Variants in PARN observed in about 807,000 individuals in gnomAD.
PARN encodes the protein poly(A)-specific ribonuclease PARN.
Under a neutral mutation model 102.8 loss-of-function variants are expected in PARN, and 71 were observed. The ratio of observed to expected loss-of-function variants is 0.69; its 90% CI spans 0.57 to 0.84. The LOEUF (loss-of-function observed/expected upper bound fraction) is 0.84. Ranked by LOEUF, PARN falls within the 40% of genes least tolerant of loss-of-function variation. PARN has a pLI of 0.00. For missense variants in PARN, 782 were observed against 760.9 expected (o/e 1.03, Z -0.33); for synonymous variants, 261 against 252.9 (o/e 1.03, Z -0.30).
intron 21 of PARN, among the ~76,000 whole-genome samples, chr16:14,505,708 G>A (rs997466031): frequency 6.6e-6 from 1 of 152,088 alleles, no homozygotes; most frequent in Non-Finnish European, 1.5e-5. Flanking sequence ...CATGATGTAG[G>A]TGTACTTATA....
intron 21 of PARN, among the ~76,000 whole-genome samples, chr16:14,508,227 G>C (rs1964996532): frequency 6.6e-6 from 1 of 151,956 alleles, no homozygotes; most frequent in African/African-American, 2.4e-5. Flanking sequence ...TAGATACATA[G>C]ATAAGACAGA....
chr16:14,584,732 T>G lies in PARN; in HGVS notation c.1005+17A>C. 1 of 1,551,584 alleles carries G rather than the reference T, an allele frequency of 6.4e-7. No homozygotes were observed. The highest frequency in any genetic ancestry group is 1.2e-5 in the South Asian group (1 of 84,016). Reference sequence around the variant, plus strand: ...AGTAATATGCAGTCGCTTTATAAAGTAGCAAATGAATAATACCTTAAAAGG... The same window carrying G: ...AGTAATATGCAGTCGCTTTATAAAGGAGCAAATGAATAATACCTTAAAAGG... On this transcript the variant is annotated intron_variant, in intron 15 of 23. Coordinates refer to ENST00000437198, the MANE Select transcript of PARN (RefSeq NM_002582.4).
At chr16:14,557,680 G>A (rs1005502115) in intron 18 of PARN, among the ~76,000 whole-genome samples, 1 of 152,052 alleles carries the variant, frequency 6.6e-6, no homozygotes, top group Non-Finnish European at 1.5e-5. Flanking sequence ...TGTGGTTTGA[G>A]AATTTGTTGT....
At chr16:14,615,469 C>A (rs961985849) in intron 6 of PARN, among the ~76,000 whole-genome samples, 8 of 152,056 alleles carry the variant, frequency 5.3e-5, no homozygotes, top group African/African-American at 1.7e-4. Context: ...AAAAAAAATT[C>A]TTTATAATAC....
At chr16:14,551,352 T>C (rs1967291133) in intron 21 of PARN, among the ~76,000 whole-genome samples, 1 of 151,956 alleles carries the variant, frequency 6.6e-6, no homozygotes, top group Non-Finnish European at 1.5e-5. Flanking sequence ...GCAGATCACC[T>C]GAGGTCAGGA....
At chr16:14,457,489 T>C (rs1961729314) in intron 22 of PARN, among the ~76,000 whole-genome samples, 1 of 152,118 alleles carries the variant, frequency 6.6e-6, no homozygotes, top group African/African-American at 2.4e-5. Context: ...ACCAGGATTC[T>C]TATTTCTAAT....
At chr16:14,549,554 G>A (rs760372992) in intron 21 of PARN, among the ~76,000 whole-genome samples, 5 of 152,178 alleles carry the variant, frequency 3.3e-5, no homozygotes, top group South Asian at 2.1e-4. Flanking sequence ...TTTAAGAATT[G>A]TCCAGTAGTA....
chr16:14,452,585 C>T (rs763309858), intron 22 of PARN, among the ~76,000 whole-genome samples: 5 of 152,188 alleles, frequency 3.3e-5, no homozygotes, highest in African/African-American at 4.8e-5. Flanking sequence ...GATCTGCCTG[C>T]CTCGGCCTCC....
chr16:14,566,127 T>C (rs890746304), intron 18 of PARN, among the ~76,000 whole-genome samples: 2 of 152,214 alleles, frequency 1.3e-5, no homozygotes, highest in African/African-American at 4.8e-5. Flanking sequence ...CAAAAAGATA[T>C]GTCCACTTTC....
intron 21 of PARN, among the ~76,000 whole-genome samples, chr16:14,550,777 T>A (rs769449997): frequency 6.6e-6 from 1 of 152,200 alleles, no homozygotes; most frequent in East Asian, 1.9e-4. Flanking sequence ...ATCTTTTACA[T>A]TATCAAAGCA....
intron 21 of PARN, among the ~76,000 whole-genome samples, chr16:14,510,502 T>C (rs1006686595): frequency 6.6e-6 from 1 of 152,182 alleles, no homozygotes; most frequent in Non-Finnish European, 1.5e-5. Flanking sequence ...TGTAAAAATT[T>C]GTTTAATCCA....
chr16:14,559,335 C>T (rs1967908140), intron 18 of PARN, among the ~76,000 whole-genome samples: 2 of 150,402 alleles, frequency 1.3e-5, no homozygotes, highest in South Asian at 2.1e-4. Flanking sequence ...TCTAATATTT[C>T]ACCTGAATTT....
At chr16:14,480,097 C>T (rs945699392) in intron 22 of PARN, among the ~76,000 whole-genome samples, 6 of 152,036 alleles carry the variant, frequency 3.9e-5, no homozygotes, top group African/African-American at 1.4e-4. Context: ...CTTTGGGAGG[C>T]CGAGGCTGCC....
chr16:14,586,537 A>G (rs1455320289), intron 13 of PARN, among the ~76,000 whole-genome samples, 176 bp from the exon 14 acceptor site: 1 of 152,114 alleles, frequency 6.6e-6, no homozygotes, highest in Non-Finnish European at 1.5e-5. Context: ...AAACCTTCCC[A>G]ATTTCCTCAC....
intron 18 of PARN, 148 bp from the exon 19 acceptor site, chr16:14,555,857 AAATT>A: frequency 2.1e-6 from 1 of 475,230 alleles, no homozygotes; most frequent in South Asian, 4.7e-5. Context: ...TCTATTTGTA[AAATT>A]ATTTCTATTA....
intron 12 of PARN, among the ~76,000 whole-genome samples, chr16:14,595,461 C>G (rs1169282479): frequency 2.0e-5 from 3 of 152,108 alleles, no homozygotes; most frequent in African/African-American, 7.2e-5. Context: ...AACTCCCATG[C>G]TCAAGCAATC....
rs552006071 is a variant in PARN at position 14,538,725 on chromosome 16, A to G, written c.1480+13296T>C. On this transcript the variant is annotated intron_variant, in intron 21 of 23. Coordinates refer to ENST00000437198, the MANE Select transcript of PARN (RefSeq NM_002582.4). ...CGAAGTCGCCAATCTGTACTGATCT[A>G]TGTTCCCTGGCATGTTAGGAACCAG... Among the ~76,000 whole-genome samples the G allele has an allele frequency of 2.6e-5, 4 of 152,246 alleles. No individual in the cohort carries two copies. The South Asian group carries it at 8.3e-4, about 32-fold the overall frequency.
At chr16:14,540,791 G>A (rs1263310121) in intron 21 of PARN, among the ~76,000 whole-genome samples, 1 of 151,638 alleles carries the variant, frequency 6.6e-6, no homozygotes, top group Non-Finnish European at 1.5e-5. Context: ...ATCTCTAAAT[G>A]AAATAAAAAA....
intron 21 of PARN, among the ~76,000 whole-genome samples, chr16:14,497,441 C>T (rs528570731): frequency 8.5e-5 from 13 of 152,346 alleles, no homozygotes; most frequent in African/African-American, 2.9e-4. Flanking sequence ...GACTAGTTCT[C>T]AGGAACTTCA....
Sources: allele counts gnomAD v4.1 joint callset (sites outside exome capture counted in the v4.1 genomes callset), GRCh38; gene constraint gnomAD v4.1.1; transcripts MANE v1.5; gene names NCBI Gene and HGNC (gene_info 2026-07-23, HGNC 2026-07-21).